The following ZFHX3 variants were observed in gnomAD, a reference collection of about 807,000 sequenced individuals.
The protein encoded by ZFHX3 is zinc finger homeobox 3, also known as zinc finger homeobox protein 3.
In ZFHX3, 42 loss-of-function variants were observed where a neutral mutation model predicts 279.1. The ratio of observed to expected loss-of-function variants is 0.15; its 90% CI spans 0.12 to 0.19. ZFHX3 has a LOEUF of 0.19. Ranked by LOEUF, ZFHX3 falls within the 10% of genes least tolerant of loss-of-function variation. The pLI, the probability that ZFHX3 is intolerant of heterozygous loss-of-function variation, is 1.00. For synonymous variants in ZFHX3, 2,293 were observed against 1,957.8 expected (o/e 1.17, Z -4.52); for missense variants, 4,981 against 4,754.0 (o/e 1.05, Z -1.40).
intron 3 of ZFHX3, among the ~76,000 whole-genome samples, chr16:73,448,494 A>T (rs1225578389): frequency 6.6e-6 from 1 of 152,196 alleles, no homozygotes; most frequent in Non-Finnish European, 1.5e-5. Flanking sequence ...ACAAGACTGA[A>T]AATAGAAAAA....
chr16:72,812,118 C>A, intron 5 of ZFHX3, 80 bp from the exon 6 acceptor site: 2 of 1,536,376 alleles, frequency 1.3e-6, no homozygotes, highest in South Asian at 1.3e-5. Flanking sequence ...TGAAAATCAA[C>A]ATTCATTTAT....
At chr16:73,031,561 T>G (rs1262208735) in intron 1 of ZFHX3, among the ~76,000 whole-genome samples, 2 of 152,196 alleles carry the variant, frequency 1.3e-5, no homozygotes, top group Non-Finnish European at 2.9e-5. Context: ...TTGCATTTCG[T>G]GGAGACATCG....
chr16:73,362,484 C>A (rs751248384), intron 3 of ZFHX3, among the ~76,000 whole-genome samples: 4 of 152,156 alleles, frequency 2.6e-5, no homozygotes, highest in African/African-American at 9.7e-5. Flanking sequence ...ACAGCAGGAG[C>A]GTCTAATGGG....
intron 3 of ZFHX3, among the ~76,000 whole-genome samples, chr16:73,450,039 C>T (rs987539746): frequency 1.5e-4 from 23 of 152,124 alleles, no homozygotes; most frequent in African/African-American, 5.6e-4. Flanking sequence ...AAAAATTGTA[C>T]ATATTCAAGG....
intron 4 of ZFHX3, among the ~76,000 whole-genome samples, chr16:72,866,223 G>A (rs541181962): frequency 2.0e-5 from 3 of 152,328 alleles, no homozygotes; most frequent in South Asian, 4.1e-4. Context: ...AGTAGCCAGA[G>A]AGGGAGGGTC....
At chr16:73,361,703 A>C (rs991667135) in intron 3 of ZFHX3, among the ~76,000 whole-genome samples, 1 of 152,132 alleles carries the variant, frequency 6.6e-6, no homozygotes, top group Non-Finnish European at 1.5e-5. Flanking sequence ...TGTCCATCAA[A>C]CCAAGATTTT....
chr16:73,429,104 C>G lies in ZFHX3; in HGVS notation c.-1291+26899G>C, dbSNP rs1272677413. Among the ~76,000 whole-genome samples, 3 of 152,290 alleles carry G rather than the reference C, an allele frequency of 2.0e-5. No individual in the cohort carries two copies. In the East Asian group the frequency reaches 5.8e-4, roughly 29 times the overall value. On this transcript the variant is annotated intron_variant, in intron 3 of 17. Transcript: ENST00000641206. The stretch of plus-strand genomic sequence containing the variant: ...GGCTCTTTACACCTGGGGCAGGGCC[C>G]TCCTTCCTTTTTCATCTTTTGTCAA...
intron 7 of ZFHX3, among the ~76,000 whole-genome samples, chr16:73,114,193 G>A (rs1242002700): frequency 6.6e-6 from 1 of 151,766 alleles, no homozygotes; most frequent in Non-Finnish European, 1.5e-5. Context: ...CCAAAGTGTT[G>A]GGATTCAGGC....
chr16:73,349,635 TC>T (rs1567457452), intron 3 of ZFHX3, among the ~76,000 whole-genome samples: 3 of 45,542 alleles, frequency 6.6e-5, no homozygotes, highest in African/African-American at 2.2e-4. Context: ...CCTCCCTCCC[TC>T]CCTCCCTCCC....
At chr16:73,773,898 G>A (rs2054048271) in intron 1 of ZFHX3, among the ~76,000 whole-genome samples, 1 of 152,132 alleles carries the variant, frequency 6.6e-6, no homozygotes, top group Non-Finnish European at 1.5e-5. Context: ...AGCAATTTGG[G>A]AGGCTAAATT....
At chr16:72,811,855 A>T (rs1205642150) in intron 6 of ZFHX3, 50 bp downstream of exon 6, 1 of 1,605,124 alleles carries the variant, frequency 6.2e-7, no homozygotes, top group Non-Finnish European at 8.5e-7. Context: ...TTCCCTACCA[A>T]TGTCTAAAAC....
chr16:73,683,320 G>A (rs985631307), intron 1 of ZFHX3, among the ~76,000 whole-genome samples: 3 of 152,176 alleles, frequency 2.0e-5, no homozygotes, highest in Non-Finnish European at 4.4e-5. Flanking sequence ...GGCCAGAGGA[G>A]GGGGCAGTCA....
intron 1 of ZFHX3, among the ~76,000 whole-genome samples, chr16:73,833,005 C>G (rs991257910): frequency 3.9e-5 from 6 of 152,178 alleles, no homozygotes; most frequent in African/African-American, 7.2e-5. Context: ...CATAACGGAA[C>G]AGAAGTCATC....
At chr16:73,538,533 G>A (rs1396891158) in intron 2 of ZFHX3, among the ~76,000 whole-genome samples, 1 of 152,080 alleles carries the variant, frequency 6.6e-6, no homozygotes, top group East Asian at 1.9e-4. Context: ...TCCTTGCCAA[G>A]GAAATAATCT....
intron 8 of ZFHX3, among the ~76,000 whole-genome samples, chr16:73,080,659 A>G (rs1965932224): frequency 1.3e-5 from 2 of 151,920 alleles, no homozygotes; most frequent in South Asian, 4.2e-4. Flanking sequence ...CTGCAGCCTC[A>G]AACTCCTGGG....
At chr16:73,189,314 G>A (rs1967979833) in intron 5 of ZFHX3, among the ~76,000 whole-genome samples, 1 of 152,218 alleles carries the variant, frequency 6.6e-6, no homozygotes, top group South Asian at 2.1e-4. Flanking sequence ...TGAGCAGCTA[G>A]CAGAATTCTA....
intron 4 of ZFHX3, among the ~76,000 whole-genome samples, chr16:73,265,803 G>A (rs2013957816): frequency 6.6e-6 from 1 of 152,196 alleles, no homozygotes. Flanking sequence ...TGGTGATAGA[G>A]GAGAGCAGTT....
intron 5 of ZFHX3, among the ~76,000 whole-genome samples, chr16:73,160,817 G>A (rs573172674): frequency 4.6e-5 from 6 of 130,790 alleles, no homozygotes; most frequent in African/African-American, 1.2e-4. Context: ...GATAATTACC[G>A]TTTCCTTTAG....
rs945523768 is a variant in ZFHX3, at chr16:73,176,621, T to C, written c.-1103-32790A>G. 9.1e-4 allele frequency among the ~76,000 whole-genome samples: 138 copies of C among 152,020 alleles called. 2 individuals carry two copies. Among genetic ancestry groups the C allele is most frequent in the Middle Eastern group, 3.4e-3 (1 of 294 alleles). On this transcript the variant is annotated intron_variant, in intron 5 of 17. Coordinates refer to the ZFHX3 transcript ENST00000641206. ...TCTTCTTCTTCTCCTTTTTTTTTTT[T>C]TTTTCCTTAAACCTCCATGCACTTT... is the stretch of plus-strand genomic sequence containing the variant.
Sources: allele counts gnomAD v4.1 joint callset (sites outside exome capture counted in the v4.1 genomes callset), GRCh38; gene constraint gnomAD v4.1.1; transcripts MANE v1.5; gene names NCBI Gene and HGNC (gene_info 2026-07-23, HGNC 2026-07-21).